DNAH5: variants seen among roughly 807,000 people sequenced by gnomAD.
The protein encoded by DNAH5 is axonemal beta dynein heavy chain 5.
DNAH5 carries 372 observed loss-of-function variants against 518.2 expected under a neutral mutation model. That is an observed-to-expected ratio of 0.72 (90% CI 0.66 to 0.78). DNAH5 has a LOEUF of 0.78. Ranked by LOEUF, DNAH5 falls within the 30% of genes least tolerant of loss-of-function variation. The probability of loss-of-function intolerance (pLI) is 0.00; values close to 1 mark genes in which losing one functional copy is unlikely to be tolerated. For synonymous variants in DNAH5, 2,039 were observed against 2,025.9 expected (o/e 1.01, Z -0.17); for missense variants, 5,523 against 5,687.0 (o/e 0.97, Z 0.93).
intron 5 of DNAH5, 57 bp downstream of exon 5, chr5:13,922,050 G>A: frequency 5.2e-6 from 8 of 1,545,628 alleles, no homozygotes; most frequent in Non-Finnish European, 6.2e-6. Flanking sequence ...ACACACTTAT[G>A]TACTGTGCTT....
chr5:13,995,717 T>C (rs981094139), intron 1 of DNAH5, among the ~76,000 whole-genome samples: 14 of 152,188 alleles, frequency 9.2e-5, no homozygotes, highest in African/African-American at 3.1e-4. Context: ...ATAATACATA[T>C]AGATGATATA....
chr5:13,813,077 A>G (rs11951175), intron 43 of DNAH5, among the ~76,000 whole-genome samples: 130 of 152,298 alleles, frequency 8.5e-4, no homozygotes, highest in Non-Finnish European at 1.4e-3. Context: ...TCTGCCCTCT[A>G]ATAACTCTCA....
chr5:13,772,990 A>T (rs2126794330), intron 55 of DNAH5, among the ~76,000 whole-genome samples: 1 of 152,262 alleles, frequency 6.6e-6, no homozygotes, highest in Middle Eastern at 3.4e-3. Context: ...TACTTCTAAT[A>T]CTCACAGATG....
chr5:13,703,830 T>A (rs1742440384), intron 76 of DNAH5, among the ~76,000 whole-genome samples: 1 of 152,242 alleles, frequency 6.6e-6, no homozygotes. Context: ...ATGTCCCATG[T>A]GCCCCCTATA....
intron 35 of DNAH5, among the ~76,000 whole-genome samples, chr5:13,837,400 A>T (rs1764534330): frequency 6.6e-6 from 1 of 152,160 alleles, no homozygotes; most frequent in Admixed American, 6.5e-5. Flanking sequence ...GATGAAAAGG[A>T]TTCAGTAGAA....
chr5:13,761,529 C>G (rs1161439396), intron 60 of DNAH5, among the ~76,000 whole-genome samples: 1 of 149,582 alleles, frequency 6.7e-6, no homozygotes, highest in African/African-American at 2.5e-5. Flanking sequence ...GGACGCAGAG[C>G]TTCCGGTGAG....
chr5:13,904,971 AT>A (rs1286097220), intron 12 of DNAH5, among the ~76,000 whole-genome samples: 3 of 152,312 alleles, frequency 2.0e-5, no homozygotes, highest in Non-Finnish European at 2.9e-5. Flanking sequence ...ACAGAAAAAA[AT>A]GTTTATTTCA....
intron 41 of DNAH5, 87 bp downstream of exon 41, chr5:13,820,259 T>C: frequency 1.5e-6 from 2 of 1,336,586 alleles, no homozygotes; most frequent in South Asian, 2.4e-5. Context: ...TATTATTGTA[T>C]CTGCCTGTGT....
At chr5:13,730,584 G>A (rs4701977) in intron 68 of DNAH5, among the ~76,000 whole-genome samples, 14,955 of 149,624 alleles carry the variant, frequency 0.1, 1,263 homozygotes, top group East Asian at 0.38. Flanking sequence ...ACAGGCACCC[G>A]CCACCACGCC....
At chr5:13,915,841 C>T (rs1014680216) in intron 9 of DNAH5, among the ~76,000 whole-genome samples, 13 of 152,046 alleles carry the variant, frequency 8.6e-5, no homozygotes, top group African/African-American at 2.7e-4. Flanking sequence ...AAGGTTTAAG[C>T]ATCGTTATGT....
At position 13,972,904 on chromosome 5, in the gene DNAH5, A is replaced by G. The variant is rs550169259; in HGVS notation, c.12+38744T>C. Among the ~76,000 whole-genome samples the G allele has an allele frequency of 3.2e-4, 49 of 152,330 alleles. 1 individual carries two copies. The South Asian group carries it at 6.4e-3, about 20-fold the overall frequency. On this transcript the variant is annotated intron_variant, in intron 1 of 78. Transcript: ENST00000681290. ...ACATTATTATTTTGCCCCCCAAAAA[A>G]TGCCCGTGTTCCTGGGCAACATAGC...
chr5:13,861,362 A>G (rs562508300), intron 29 of DNAH5, among the ~76,000 whole-genome samples: 1 of 152,368 alleles, frequency 6.6e-6, no homozygotes, highest in South Asian at 2.1e-4. Context: ...AACTGAAATA[A>G]GAGAAATTTT....
chr5:13,998,902 C>T (rs780325744), intron 1 of DNAH5, among the ~76,000 whole-genome samples: 1 of 152,154 alleles, frequency 6.6e-6, no homozygotes, highest in Non-Finnish European at 1.5e-5. Context: ...AACGGGGTCT[C>T]ACTCTGTTAC....
rs143487556 is a variant in DNAH5 at position 13,922,322 on chromosome 5, T to C, written c.445A>G (p.Ser149Gly). ...TCTGCCGCATCTAACATGTTAAAAC[T>C]CACCTCCTGGAAAACAGGCAGGAGA... is the stretch of plus-strand genomic sequence containing the variant. ...ITPDNIHQEV[S>G]FNMLDAADGG... Residue 149 changes from serine (S) to glycine (G), a missense_variant, in exon 5 of 79, where the codon AGT becomes GGT. Ser to Gly is a moderately conservative substitution (Grantham distance 56). Around this residue, in one of 3 missense-constraint regions of DNAH5, gnomAD observed 5,121 missense variants for 5,223.3 expected, o/e 0.98. Transcript: ENST00000265104. 3 of 1,613,494 alleles carry C rather than the reference T, an allele frequency of 1.9e-6. No individual in the cohort carries two copies. The highest frequency in any genetic ancestry group is 2.5e-6 in the Non-Finnish European group (3 of 1,179,700).
At chr5:13,861,952 C>CAAAAAAAAA (rs59674964) in intron 29 of DNAH5, among the ~76,000 whole-genome samples, 5 of 49,516 alleles carry the variant, frequency 1.0e-4, no homozygotes, top group Non-Finnish European at 1.7e-4. Flanking sequence ...GATTCCATCT[C>CAAAAAAAAA]AAAAAAAAAA....
At chr5:13,771,886 A>C (rs1018347203) in intron 55 of DNAH5, among the ~76,000 whole-genome samples, 2 of 152,218 alleles carry the variant, frequency 1.3e-5, no homozygotes, top group Non-Finnish European at 2.9e-5. Context: ...AAAGGCAAAG[A>C]CATACAAATA....
Position 13,708,240 on chromosome 5 carries a change from G to A in DNAH5, c.13221C>T (p.Val4407=). The change falls in exon 76 of 79, where the codon GTC becomes GTT. Residue 4407 remains valine (V), a synonymous_variant. Coordinates refer to ENST00000265104, the MANE Select transcript of DNAH5 (RefSeq NM_001369.3). ...IDRMQRVLSL[V]RSTLTELKLA... ...GTTTCAGCTCAGTGAGGGTGCTGCG[G>A]ACAAGGCTGAGTACCCTTTGCATTC... 1.9e-6 allele frequency: 3 copies of A among 1,614,186 alleles called. No individual in the cohort carries two copies. Among genetic ancestry groups the A allele is most frequent in the Non-Finnish European group, 2.5e-6 (3 of 1,180,026 alleles).
In DNAH5 at chr5:13,814,567, T is replaced by C. The variant is rs781185816; in HGVS notation, c.7230+38A>G. 12 of 1,602,692 alleles carry C rather than the reference T, an allele frequency of 7.5e-6. No homozygotes were observed. In the Admixed American group the frequency reaches 1.0e-4, roughly 13 times the overall value. Reference sequence around the variant, plus strand: ...CTAAAAGAATGCTAAAGGATCTGTTTTCCTTTTTAATTATACAAAAGAAGG... The same window carrying C: ...CTAAAAGAATGCTAAAGGATCTGTTCTCCTTTTTAATTATACAAAAGAAGG... On this transcript the variant is annotated intron_variant, in intron 43 of 78. Coordinates refer to ENST00000265104, the MANE Select transcript of DNAH5 (RefSeq NM_001369.3).
chr5:13,704,444 A>G (rs1579824141), intron 76 of DNAH5, among the ~76,000 whole-genome samples: 1 of 152,226 alleles, frequency 6.6e-6, no homozygotes, highest in East Asian at 1.9e-4. Context: ...CCCAAAACTC[A>G]CCTTCCAGCA....
Sources: allele counts gnomAD v4.1 joint callset (sites outside exome capture counted in the v4.1 genomes callset), GRCh38; gene constraint gnomAD v4.1.1; regional missense constraint gnomAD v4.1.1; transcripts MANE v1.5; gene names NCBI Gene and HGNC (gene_info 2026-07-23, HGNC 2026-07-21).